CTNNA2: variants seen among roughly 807,000 people sequenced by gnomAD.
CTNNA2 encodes catenin alpha 2, also known as catenin alpha-2.
CTNNA2 carries 42 observed loss-of-function variants against 101.0 expected under a neutral mutation model. The ratio of observed to expected loss-of-function variants is 0.42; its 90% CI spans 0.32 to 0.54. CTNNA2 has a LOEUF of 0.54. Among genes scored for constraint, CTNNA2 ranks in the 20% least tolerant of loss-of-function variants. The pLI, the probability that CTNNA2 is intolerant of heterozygous loss-of-function variation, is 0.14. For synonymous variants in CTNNA2, 450 were observed against 456.4 expected (o/e 0.99, Z 0.18); for missense variants, 871 against 1,223.1 (o/e 0.71, Z 4.29).
chr2:79,644,696 C>T (rs6727062), intron 1 of CTNNA2, among the ~76,000 whole-genome samples: 1,996 of 152,282 alleles, frequency 0.013, 41 homozygotes, highest in African/African-American at 0.045. Flanking sequence ...GGAAAGCAGC[C>T]ACATTGCACA....
chr2:79,904,431 A>T (rs1685280421), intron 6 of CTNNA2, among the ~76,000 whole-genome samples: 1 of 152,304 alleles, frequency 6.6e-6, no homozygotes, highest in African/African-American at 2.4e-5. Context: ...ATACTTAAGT[A>T]TTATATTTAA....
At chr2:79,236,255 C>T (rs1018816397) in intron 2 of CTNNA2, among the ~76,000 whole-genome samples, 4 of 152,194 alleles carry the variant, frequency 2.6e-5, no homozygotes, top group African/African-American at 9.6e-5. Flanking sequence ...CGCTCAGCCT[C>T]CTGTGTACCT....
intron 7 of CTNNA2, among the ~76,000 whole-genome samples, chr2:80,078,228 G>A (rs1225865094): frequency 2.6e-5 from 4 of 152,142 alleles, no homozygotes; most frequent in Non-Finnish European, 5.9e-5. Context: ...TTGGCAAGCT[G>A]ACGAGCTTGA....
intron 7 of CTNNA2, among the ~76,000 whole-genome samples, chr2:79,968,830 C>CT (rs11382904): frequency 0.35 from 51,420 of 148,082 alleles, 9,958 homozygotes; most frequent in Non-Finnish European, 0.45. Flanking sequence ...CATGACCCTT[C>CT]TTTTTTTTTT....
rs117634347 is a variant in CTNNA2, at chr2:80,240,647, T to C, written c.1057-152564T>C. On this transcript the variant is annotated intron_variant, in intron 7 of 18. Transcript: ENST00000402739. ...AACCCCGGGAAAAAAATTCTCTCTG[T>C]TACATGATTCTGTTTTTTTTGCTCC... is the stretch of plus-strand genomic sequence containing the variant. Among the ~76,000 whole-genome samples, 99 of 152,304 alleles carry C rather than the reference T, an allele frequency of 6.5e-4. 1 individual carries two copies. The East Asian group carries it at 0.016, about 24-fold the overall frequency.
intron 7 of CTNNA2, among the ~76,000 whole-genome samples, chr2:80,323,686 CCTT>C (rs1418439386): frequency 1.3e-5 from 2 of 151,994 alleles, no homozygotes. Context: ...TCCTCCTCCT[CCTT>C]CTTTTTCTAT....
chr2:80,261,183 T>C (rs1672579121), intron 7 of CTNNA2, among the ~76,000 whole-genome samples: 1 of 152,344 alleles, frequency 6.6e-6, no homozygotes, highest in South Asian at 2.1e-4. Context: ...AGATGACACA[T>C]ATACCTATTG....
chr2:79,993,465 C>T (rs940989836), intron 7 of CTNNA2, among the ~76,000 whole-genome samples: 2 of 152,304 alleles, frequency 1.3e-5, no homozygotes, highest in African/African-American at 2.4e-5. Context: ...CAATTTGTTG[C>T]CCTCGGGCAT....
At chr2:80,020,991 A>ATTTT (rs1694516567) in intron 7 of CTNNA2, among the ~76,000 whole-genome samples, 2 of 119,464 alleles carry the variant, frequency 1.7e-5, no homozygotes, top group African/African-American at 7.6e-5. Context: ...ATGACCAATC[A>ATTTT]TCTTTTTTTT....
At chr2:80,506,574 G>A (rs773958967) in intron 9 of CTNNA2, among the ~76,000 whole-genome samples, 6 of 152,182 alleles carry the variant, frequency 3.9e-5, no homozygotes, top group Non-Finnish European at 8.8e-5. Context: ...GCAAACAACT[G>A]AAGGGTTTTA....
chr2:80,342,157 T>C (rs1035296859), intron 7 of CTNNA2, among the ~76,000 whole-genome samples: 15 of 152,154 alleles, frequency 9.9e-5, no homozygotes, highest in African/African-American at 2.7e-4. Context: ...CCAATTTATT[T>C]TGGGGAAGAT....
At chr2:79,645,362 G>A (rs1008088966) in intron 1 of CTNNA2, among the ~76,000 whole-genome samples, 2 of 151,414 alleles carry the variant, frequency 1.3e-5, no homozygotes, top group African/African-American at 4.9e-5. Flanking sequence ...TAAACGGGAG[G>A]TAATAGTAAA....
chr2:80,043,424 C>A (rs934209338), intron 7 of CTNNA2, among the ~76,000 whole-genome samples: 6 of 151,976 alleles, frequency 3.9e-5, no homozygotes, highest in Non-Finnish European at 8.8e-5. Flanking sequence ...TCTCGAACTC[C>A]TGACCTCAAG....
intron 2 of CTNNA2, among the ~76,000 whole-genome samples, chr2:79,730,991 T>C (rs915445705): frequency 2.0e-5 from 3 of 151,984 alleles, no homozygotes; most frequent in African/African-American, 7.2e-5. Context: ...TTAAAAGAAA[T>C]TAATATCAAG....
At chr2:79,290,375 G>T (rs1186364005) in intron 2 of CTNNA2, among the ~76,000 whole-genome samples, 1 of 152,252 alleles carries the variant, frequency 6.6e-6, no homozygotes, top group East Asian at 1.9e-4. Context: ...GGGAAGTGCT[G>T]GGAAGGAAAC....
intron 4 of CTNNA2, among the ~76,000 whole-genome samples, chr2:79,481,736 T>C (rs1671112334): frequency 6.6e-6 from 1 of 152,158 alleles, no homozygotes; most frequent in Non-Finnish European, 1.5e-5. Context: ...ATGTGCAGCT[T>C]TTAAATAACA....
rs1016675967 is a variant in CTNNA2 at position 80,097,106 on chromosome 2, G to C, written c.1056+187309G>C. On this transcript the variant is annotated intron_variant, in intron 7 of 18. Transcript: ENST00000402739. ...GATGCAGTTTCTTCCTAGCCTTGAT[G>C]GTCTTTACAATTTGGCATGTTTTTG... Among the ~76,000 whole-genome samples, 76 of 152,296 alleles carry C rather than the reference G, an allele frequency of 5.0e-4. 1 individual carries two copies. Among genetic ancestry groups the C allele is most frequent in the African/African-American group, 1.7e-3 (71 of 41,558 alleles).
intron 15 of CTNNA2, among the ~76,000 whole-genome samples, chr2:80,590,317 G>A (rs1308280528): frequency 2.6e-5 from 4 of 152,226 alleles, no homozygotes; most frequent in African/African-American, 4.8e-5. Flanking sequence ...CTCTATTTGC[G>A]AAATGGTGAA....
intron 6 of CTNNA2, among the ~76,000 whole-genome samples, chr2:79,886,533 C>T (rs946539105): frequency 3.3e-5 from 5 of 151,522 alleles, no homozygotes; most frequent in Admixed American, 6.6e-5. Flanking sequence ...GGGCGGATCA[C>T]GAGGTCAGGA....
Sources: gnomAD v4.1 joint callset for allele counts (sites outside exome capture counted in the v4.1 genomes callset) on GRCh38, gnomAD v4.1.1 for gene constraint, MANE v1.5 for transcripts, NCBI Gene and HGNC (gene_info 2026-07-23, HGNC 2026-07-21) for gene names.